RNFT2: variants seen among roughly 807,000 people sequenced by gnomAD.
RNFT2 encodes E3 ubiquitin-protein ligase RNFT2.
In RNFT2, 36 loss-of-function variants were observed where a neutral mutation model predicts 53.0. The observed-to-expected ratio is 0.68, with a 90% confidence interval of 0.52 to 0.90. RNFT2 has a LOEUF of 0.90. Among genes scored for constraint, RNFT2 ranks in the 40% least tolerant of loss-of-function variants. The pLI is 0.00. For synonymous variants in RNFT2, 260 were observed against 253.2 expected, an observed-to-expected ratio of 1.03 and a Z score of -0.26; for missense variants, 514 against 585.6, an observed-to-expected ratio of 0.88 and a Z score of 1.26.
chr12:116,796,693 T>C, intron 7 of RNFT2, among the ~76,000 whole-genome samples: 1 of 152,258 alleles, frequency 6.6e-6, no homozygotes, highest in East Asian at 1.9e-4. Context: ...TCTTCGCTCC[T>C]GGAGGTCATA....
Position 116,846,557 on chromosome 12 carries a change from T to C in RNFT2, c.1201-2757T>C, listed in dbSNP as rs1161193550. On this transcript the variant is annotated intron_variant, in intron 10 of 10. Transcript: ENST00000257575. ...CTCCTGCCTTCGCCTCCCAAAGTGC[T>C]GGGGTTATAGGCATGAGCCACTGTG... is the stretch of plus-strand genomic sequence containing the variant. 2.0e-5 allele frequency among the ~76,000 whole-genome samples: 3 copies of C among 151,604 alleles called. No homozygotes were observed. The Admixed American group carries it at 2.0e-4, about 10-fold the overall frequency.
intron 7 of RNFT2, among the ~76,000 whole-genome samples, chr12:116,829,917 G>A (rs1876551148): frequency 6.6e-6 from 1 of 151,644 alleles, no homozygotes; most frequent in Non-Finnish European, 1.5e-5. Flanking sequence ...CACATGCTCA[G>A]TATAAAAAAT....
chr12:116,853,375 T>A lies in RNFT2; in HGVS notation c.*3927T>A, dbSNP rs1268839164. ...CTCTTCATGTAAAATATCTTGAGAA[T>A]AATAAATGTGAGGGAATAAGAAAGG... On this transcript the variant is annotated 3_prime_UTR_variant, in exon 11 of 11. Coordinates refer to ENST00000257575, the MANE Select transcript of RNFT2 (RefSeq NM_001382266.1). 1 of 393,848 alleles carries A rather than the reference T, an allele frequency of 2.5e-6. No homozygotes were observed. The highest frequency in any genetic ancestry group is 2.1e-5 in the African/African-American group (1 of 48,540). The allele number at this position is 393,848 out of a possible 1,614,324, so 24.4% of individuals were successfully genotyped here.
Position 116,741,071 on chromosome 12 carries a change from C to A in RNFT2, c.60C>A (p.Asn20Lys). 6.2e-7 allele frequency: 1 copy of A among 1,610,980 alleles called. No homozygotes were observed. Among genetic ancestry groups the A allele is most frequent in the South Asian group, 1.1e-5 (1 of 90,282 alleles). Residue 20 changes from asparagine to lysine, a missense_variant, in exon 3 of 11, where the codon AAC becomes AAA. Asn to Lys is a moderately conservative substitution (Grantham distance 94). Around this residue, in one of 3 missense-constraint regions of RNFT2, gnomAD observed 237 missense variants for 235.1 expected, o/e 1.01. Transcript: ENST00000257575. ...LRKMQRRHSS[N>K]TDNIPPERNR... ...AGATGCAGAGACGCCACAGCAGCAACACGGATAACATTCCACCTGAAAGGT... is the reference window on the plus strand; with the variant it reads ...AGATGCAGAGACGCCACAGCAGCAAAACGGATAACATTCCACCTGAAAGGT...
Position 116,852,723 on chromosome 12 carries a change from C to G in RNFT2, c.*3275C>G. The G allele has an allele frequency of 6.2e-7, 1 of 1,612,228 alleles. No homozygotes were observed. Among genetic ancestry groups the G allele is most frequent in the Non-Finnish European group, 8.5e-7 (1 of 1,178,284 alleles). On this transcript the variant is annotated 3_prime_UTR_variant, in exon 11 of 11. Coordinates refer to ENST00000257575, the MANE Select transcript of RNFT2 (RefSeq NM_001382266.1). ...AGTGCAGGTGTGTAAGGAAATAGAACAGTCTGCTGGGAGTCAGACCTGGAA... is the reference window on the plus strand; with the variant it reads ...AGTGCAGGTGTGTAAGGAAATAGAAGAGTCTGCTGGGAGTCAGACCTGGAA...
intron 4 of RNFT2, among the ~76,000 whole-genome samples, chr12:116,750,877 TATATTATATATATA>T (rs1401318820): frequency 0.39 from 1,656 of 4,254 alleles, 138 homozygotes; most frequent in East Asian, 0.48. Flanking sequence ...ATATAATATA[TATATTATATATATA>T]ATATATATAT....
At chr12:116,786,480 C>A (rs1434422754) in intron 7 of RNFT2, among the ~76,000 whole-genome samples, 1 of 152,102 alleles carries the variant, frequency 6.6e-6, no homozygotes, top group Non-Finnish European at 1.5e-5. Flanking sequence ...CAGGTCTTTA[C>A]AACTTCAAGA....
chr12:116,762,458 T>TG (rs1423578194), intron 5 of RNFT2, among the ~76,000 whole-genome samples: 1 of 151,412 alleles, frequency 6.6e-6, no homozygotes, highest in Non-Finnish European at 1.5e-5. Flanking sequence ...GCACAAGTAC[T>TG]GGGTATGGTG....
At chr12:116,760,647 C>T (rs942754163) in intron 5 of RNFT2, among the ~76,000 whole-genome samples, 1 of 152,176 alleles carries the variant, frequency 6.6e-6, no homozygotes, top group Non-Finnish European at 1.5e-5. Flanking sequence ...AGGAGGGTCT[C>T]CCTTTCCCAC....
chr12:116,789,268 GTAGA>G (rs1271108091), intron 7 of RNFT2, among the ~76,000 whole-genome samples: 1 of 147,166 alleles, frequency 6.8e-6, no homozygotes, highest in Non-Finnish European at 1.5e-5. Context: ...TGGGAGAAGA[GTAGA>G]TGGATGGATG....
intron 7 of RNFT2, chr12:116,800,952 G>A (rs932426124): frequency 6.6e-6 from 1 of 152,188 alleles, no homozygotes; most frequent in East Asian, 1.9e-4. Flanking sequence ...ACTCAACTCA[G>A]CTTGACTGGG....
At chr12:116,787,593 G>A (rs1251094527) in intron 7 of RNFT2, among the ~76,000 whole-genome samples, 7 of 152,078 alleles carry the variant, frequency 4.6e-5, no homozygotes, top group African/African-American at 1.7e-4. Context: ...GAACGCACCT[G>A]TAGTCCCAGC....
At chr12:116,831,814 C>T (rs1469038887) in intron 7 of RNFT2, among the ~76,000 whole-genome samples, 1 of 151,860 alleles carries the variant, frequency 6.6e-6, no homozygotes, top group African/African-American at 2.4e-5. Context: ...ATCCCCCATC[C>T]CAATCAAGAT....
intron 7 of RNFT2, among the ~76,000 whole-genome samples, chr12:116,818,327 A>AT (rs1392471187): frequency 6.6e-6 from 1 of 151,454 alleles, no homozygotes; most frequent in Non-Finnish European, 1.5e-5. Context: ...TCTCAAAAAA[A>AT]AAAAAAAAAT....
chr12:116,845,662 C>G (rs1319385181), intron 10 of RNFT2, among the ~76,000 whole-genome samples: 1 of 152,082 alleles, frequency 6.6e-6, no homozygotes, highest in Non-Finnish European at 1.5e-5. Context: ...GACGGGCCAT[C>G]ATAGAGGGTA....
intron 7 of RNFT2, chr12:116,782,078 C>CAAAAAAAAAAAAAAAAAAAAA (rs1171955385): frequency 6.1e-3 from 7 of 1,148 alleles, no homozygotes; most frequent in Non-Finnish European, 0.012. Flanking sequence ...GACTCCGTCT[C>CAAAAAAAAAAAAAAAAAAAAA]CAAAAAAAAA....
At chr12:116,761,641 T>G (rs1482747740) in intron 5 of RNFT2, among the ~76,000 whole-genome samples, 1 of 152,120 alleles carries the variant, frequency 6.6e-6, no homozygotes, top group East Asian at 1.9e-4. Context: ...GGAAACAAAA[T>G]CATTTTTCTG....
rs147772582 is a variant in RNFT2, at chr12:116,833,660, G to A, written c.883-132G>A. On this transcript the variant is annotated intron_variant, in intron 7 of 10. Transcript: ENST00000257575. ...GCAGCCCCATTAGGAGCTGGCCTGA[G>A]TGCTTTCCAGAGCTGATTAATGGCC... The A allele has an allele frequency of 6.4e-4, 569 of 887,320 alleles. 2 individuals are homozygous for A. In the African/African-American group the frequency reaches 8.6e-3, roughly 13 times the overall value. The allele number at this position is 887,320 out of a possible 1,614,324, so 55.0% of individuals were successfully genotyped here.
rs1175245654 is a variant in RNFT2, at chr12:116,832,142, AAAAAAAAT to A, written c.883-1648_883-1641del. 3.3e-3 allele frequency among the ~76,000 whole-genome samples: 202 copies of A among 61,788 alleles called. 3 individuals are homozygous for A. Among genetic ancestry groups the A allele is most frequent in the African/African-American group, 0.011 (198 of 17,694 alleles). 40.5% of individuals were successfully genotyped at this position (61,788 alleles called of 152,430 possible). On this transcript the variant is annotated intron_variant, in intron 7 of 10. Transcript: ENST00000257575. ...CAAGACCTTGTCTCAAAAAAAAAAA[AAAAAAAAT>A]ATATATATATATATATATATCTTTC...
Sources: gnomAD v4.1 joint callset for allele counts (sites outside exome capture counted in the v4.1 genomes callset) on GRCh38, gnomAD v4.1.1 for gene constraint, gnomAD v4.1.1 regional missense constraint, MANE v1.5 for transcripts, NCBI Gene and HGNC (gene_info 2026-07-23, HGNC 2026-07-21) for gene names.